The following DNM3 variants were observed in gnomAD, a reference collection of about 807,000 sequenced individuals.
The protein encoded by DNM3 is dynamin 3.
In DNM3, 47 loss-of-function variants were observed where a neutral mutation model predicts 101.6. That is an observed-to-expected ratio of 0.46 (90% CI 0.37 to 0.59). The LOEUF (loss-of-function observed/expected upper bound fraction) is 0.59, where lower values mean the gene tolerates loss of function less well. Among genes scored for constraint, DNM3 ranks in the 20% least tolerant of loss-of-function variants. The pLI is 0.00. For missense variants in DNM3, 849 were observed against 1,085.7 expected, an observed-to-expected ratio of 0.78 and a Z score of 3.06; for synonymous variants, 385 against 387.9, an observed-to-expected ratio of 0.99 and a Z score of 0.09.
chr1:172,184,616 A>G (rs2059459167), intron 14 of DNM3, among the ~76,000 whole-genome samples: 1 of 152,064 alleles, frequency 6.6e-6, no homozygotes. Context: ...TTTCTGTTGA[A>G]TGTTGCTCTC....
intron 12 of DNM3, among the ~76,000 whole-genome samples, chr1:172,086,922 C>G (rs886412719): frequency 6.6e-6 from 1 of 152,182 alleles, no homozygotes; most frequent in African/African-American, 2.4e-5. Flanking sequence ...GAGGCACACT[C>G]TGATATTTGC....
intron 13 of DNM3, among the ~76,000 whole-genome samples, chr1:172,126,487 T>G (rs2056625100): frequency 6.6e-6 from 1 of 152,220 alleles, no homozygotes; most frequent in Non-Finnish European, 1.5e-5. Flanking sequence ...ATTTTTAAAT[T>G]TTTAAATTAA....
At chr1:171,946,963 C>T (rs114860572) in intron 2 of DNM3, among the ~76,000 whole-genome samples, 2,784 of 152,204 alleles carry the variant, frequency 0.018, 33 homozygotes, top group Non-Finnish European at 0.032. Flanking sequence ...GCTTCATGAC[C>T]CAAACACCTC....
At chr1:172,151,198 G>A (rs984611581) in intron 14 of DNM3, among the ~76,000 whole-genome samples, 6 of 152,126 alleles carry the variant, frequency 3.9e-5, no homozygotes, top group Admixed American at 6.6e-5. Context: ...TAAGCCTAGC[G>A]CATGTGCAGT....
intron 17 of DNM3, among the ~76,000 whole-genome samples, chr1:172,346,579 G>T (rs977191306): frequency 6.6e-6 from 1 of 152,190 alleles, no homozygotes; most frequent in Non-Finnish European, 1.5e-5. Flanking sequence ...GGTAATAAAT[G>T]TTGAAATTGG....
chr1:172,289,944 TA>T, intron 15 of DNM3: 1 of 939,952 alleles, frequency 1.1e-6, no homozygotes, highest in Non-Finnish European at 1.3e-6. Flanking sequence ...ATCTGTAAGG[TA>T]AAAGACAATT....
intron 13 of DNM3, among the ~76,000 whole-genome samples, chr1:172,127,428 A>C (rs942795767): frequency 7.8e-6 from 1 of 127,596 alleles, no homozygotes; most frequent in African/African-American, 2.9e-5. Context: ...ATTATTATTG[A>C]GGCAGAGTCT....
At chr1:171,954,505 C>A (rs1466936598) in intron 2 of DNM3, among the ~76,000 whole-genome samples, 1 of 152,174 alleles carries the variant, frequency 6.6e-6, no homozygotes, top group East Asian at 1.9e-4. Flanking sequence ...TCCTTGTTGA[C>A]AAAATGGAAA....
chr1:172,201,857 T>G (rs779795104), intron 14 of DNM3, among the ~76,000 whole-genome samples: 2 of 152,172 alleles, frequency 1.3e-5, no homozygotes, highest in Non-Finnish European at 2.9e-5. Flanking sequence ...CGGACACCCA[T>G]GTAACAGTCT....
At chr1:172,133,101 A>G in intron 14 of DNM3, 8 of 1,431,600 alleles carry the variant, frequency 5.6e-6, no homozygotes, top group Non-Finnish European at 7.3e-6. Context: ...CAGCATTGAC[A>G]TGTTCCTGGG....
intron 14 of DNM3, among the ~76,000 whole-genome samples, chr1:172,150,829 G>A (rs563121919): frequency 6.6e-6 from 1 of 152,322 alleles, no homozygotes; most frequent in South Asian, 2.1e-4. Context: ...GCTTTATGCA[G>A]GTAGGGCTGC....
At chr1:171,928,436 C>T (rs373131397) in intron 2 of DNM3, among the ~76,000 whole-genome samples, 2 of 151,970 alleles carry the variant, frequency 1.3e-5, no homozygotes, top group African/African-American at 2.4e-5. Context: ...CCTGGGGGCT[C>T]CACCCCAGAG....
intron 14 of DNM3, among the ~76,000 whole-genome samples, chr1:172,181,118 AG>A (rs550922729): frequency 3.0e-4 from 46 of 152,186 alleles, no homozygotes; most frequent in African/African-American, 1.1e-3. Context: ...CTTTTCATAT[AG>A]TAATTTTGAA....
intron 14 of DNM3, among the ~76,000 whole-genome samples, chr1:172,191,110 G>T (rs990292507): frequency 2.0e-5 from 3 of 152,060 alleles, no homozygotes; most frequent in African/African-American, 2.4e-5. Flanking sequence ...GTCCTGAATG[G>T]TATTGCCTAG....
chr1:172,314,433 G>T (rs2148888133), intron 16 of DNM3, among the ~76,000 whole-genome samples: 1 of 152,302 alleles, frequency 6.6e-6, no homozygotes, highest in South Asian at 2.1e-4. Context: ...GCAGGGCGAG[G>T]CATTGCCTCA....
intron 14 of DNM3, among the ~76,000 whole-genome samples, chr1:172,146,282 C>G (rs568087120): frequency 4.6e-5 from 7 of 152,218 alleles, no homozygotes; most frequent in Non-Finnish European, 7.4e-5. Flanking sequence ...ATAAAATGGC[C>G]TCTTTTGAAT....
At chr1:172,189,606 T>A (rs2059634392) in intron 14 of DNM3, among the ~76,000 whole-genome samples, 1 of 152,070 alleles carries the variant, frequency 6.6e-6, no homozygotes, top group African/African-American at 2.4e-5. Flanking sequence ...ATGTATTTAT[T>A]TTTGGGGTGC....
intron 17 of DNM3, among the ~76,000 whole-genome samples, chr1:172,329,668 GACAA>G (rs554581667): frequency 1.2e-3 from 187 of 151,980 alleles, no homozygotes; most frequent in African/African-American, 4.1e-3. Flanking sequence ...AAAGGCAAAA[GACAA>G]ACAAGTAAAA....
chr1:172,108,064 G>T (rs1036640466), intron 13 of DNM3, among the ~76,000 whole-genome samples: 1 of 151,736 alleles, frequency 6.6e-6, no homozygotes. Context: ...CTTAAGTCTC[G>T]GTGTCAAGGT....
Sources: allele counts gnomAD v4.1 joint callset (sites outside exome capture counted in the v4.1 genomes callset), GRCh38; gene constraint gnomAD v4.1.1; transcripts MANE v1.5; gene names NCBI Gene and HGNC (gene_info 2026-07-23, HGNC 2026-07-21).